MBOAT4: variants seen among roughly 807,000 people sequenced by gnomAD.
MBOAT4 encodes the protein membrane bound ghrelin O-acyltransferase MBOAT4.
In MBOAT4, 11 loss-of-function variants were observed where a neutral mutation model predicts 13.2. That is an observed-to-expected ratio of 0.84 (90% CI 0.53 to 1.38). The LOEUF (loss-of-function observed/expected upper bound fraction) is 1.38, where lower values mean the gene tolerates loss of function less well. Among genes scored for constraint, MBOAT4 ranks in the 40% most tolerant of loss-of-function variants. The pLI is 0.00. For synonymous variants in MBOAT4, 202 were observed against 210.3 expected, an observed-to-expected ratio of 0.96 and a Z score of 0.34; for missense variants, 481 against 527.2, an observed-to-expected ratio of 0.91 and a Z score of 0.86.
At chr8:30,138,258 G>C in intron 2 of MBOAT4, 1 of 299,394 alleles carries the variant, frequency 3.3e-6, no homozygotes, top group Non-Finnish European at 6.4e-6. Context: ...TTTCTTTACT[G>C]CAATTCCCCT....
intron 2 of MBOAT4, among the ~76,000 whole-genome samples, chr8:30,134,848 A>G (rs1428241512): frequency 6.6e-6 from 1 of 150,652 alleles, no homozygotes; most frequent in African/African-American, 2.4e-5. Flanking sequence ...GCTCCCAGCC[A>G]TAAGCATCCT....
chr8:30,132,855 G>GGAC lies in MBOAT4; in HGVS notation c.393_395dup (p.Ser132dup). The GGAC allele has an allele frequency of 6.4e-7, 1 of 1,550,482 alleles. No homozygotes were observed. The highest frequency in any genetic ancestry group is 8.7e-7 in the Non-Finnish European group (1 of 1,146,510). On this transcript the variant is annotated inframe_insertion, in exon 3 of 3. Coordinates refer to ENST00000320542, the MANE Select transcript of MBOAT4 (RefSeq NM_001100916.2). ...TCCCCTCACAAATGTCCAGAGAGAGGGACGTGACCCTCTGGGTCAAGAGCA... is the reference window on the plus strand; with the variant it reads ...TCCCCTCACAAATGTCCAGAGAGAGGGACGACGTGACCCTCTGGGTCAAGAGCA...
Position 30,132,635 on chromosome 8 carries a change from T to G in MBOAT4, c.616A>C (p.Ser206Arg). The change falls in exon 3 of 3, where the codon AGC becomes CGC. Residue 206 changes from serine (S) to arginine (R), a missense_variant. By Grantham distance (110) the Ser-to-Arg change is moderately radical. Transcript: ENST00000320542. ...LHPRHSFWAL[S>R]WRGLQILGLE... ...CCAAGAATCTGCAGACCCCTCCAGC[T>G]CAGAGCCCAGAAAGAGTGTCTGGGA... is the stretch of plus-strand genomic sequence containing the variant. The G allele has an allele frequency of 6.4e-7, 1 of 1,551,730 alleles. No individual in the cohort carries two copies. Among genetic ancestry groups the G allele is most frequent in the Non-Finnish European group, 8.7e-7 (1 of 1,147,006 alleles).
rs138038257 is a variant in MBOAT4, at chr8:30,132,450, G to A, written c.801C>T (p.His267=). The change falls in exon 3 of 3, where the codon CAC becomes CAT. Residue 267 remains histidine (H), a synonymous_variant. Coordinates refer to ENST00000320542, the MANE Select transcript of MBOAT4 (RefSeq NM_001100916.2). Reference sequence around the variant, plus strand: ...CAAGCTCAGGCCCAAAGCCCGCTGCGTGGAGGAGGGAGTCGTCCAGGATCC... The same window carrying A: ...CAAGCTCAGGCCCAAAGCCCGCTGCATGGAGGAGGGAGTCGTCCAGGATCC... ...SHWILDDSLL[H]AAGFGPELGQ... 3.8e-4 allele frequency: 586 copies of A among 1,551,740 alleles called. 1 individual carries two copies. Among genetic ancestry groups the A allele is most frequent in the South Asian group, 6.7e-4 (56 of 84,060 alleles).
chr8:30,135,602 TGAG>T (rs922729008), intron 2 of MBOAT4, among the ~76,000 whole-genome samples: 6 of 152,058 alleles, frequency 3.9e-5, no homozygotes, highest in South Asian at 2.1e-4. Context: ...GCAAGATTAT[TGAG>T]GAGAACAATG....
chr8:30,133,788 C>CAAAAAA (rs11430475), intron 2 of MBOAT4, among the ~76,000 whole-genome samples: 1 of 123,032 alleles, frequency 8.1e-6, no homozygotes. Context: ...GACCCTGTCT[C>CAAAAAA]AAAAAAAAAA....
At chr8:30,133,454 G>A (rs992777175) in intron 2 of MBOAT4, among the ~76,000 whole-genome samples, 3 of 152,292 alleles carry the variant, frequency 2.0e-5, no homozygotes, top group South Asian at 2.1e-4. Flanking sequence ...AAGGTTAGAT[G>A]CACACATTTA....
chr8:30,144,334 C>T, intron 1 of MBOAT4, 149 bp downstream of exon 1: 1 of 545,806 alleles, frequency 1.8e-6, no homozygotes, highest in Non-Finnish European at 3.2e-6. Flanking sequence ...CAGGGTTTCG[C>T]TATGTTGGCC....
At chr8:30,136,326 T>C (rs183281269) in intron 2 of MBOAT4, among the ~76,000 whole-genome samples, 1 of 151,936 alleles carries the variant, frequency 6.6e-6, no homozygotes, top group Admixed American at 6.6e-5. Flanking sequence ...GACAGAGGAG[T>C]GACCATCACG....
At position 30,132,091 on chromosome 8, in the gene MBOAT4, T is replaced by TGGGTG. The variant is rs760688047; in HGVS notation, c.1155_1159dup (p.Gln387ProfsTer4). 1 of 1,551,682 alleles carries TGGGTG rather than the reference T, an allele frequency of 6.4e-7. No individual in the cohort carries two copies. The highest frequency in any genetic ancestry group is 1.4e-5 in the African/African-American group (1 of 73,132). ...CAGCATGATGTAGGCAATGATCAAC[T>TGGGTG]GGGTGTGGGCCCAGGTGAGGGTTCT... On this transcript the variant is annotated frameshift_variant, in exon 3 of 3. Coordinates refer to ENST00000320542, the MANE Select transcript of MBOAT4 (RefSeq NM_001100916.2). LOFTEE classifies it low-confidence loss of function (END_TRUNC).
Position 30,131,994 on chromosome 8 carries a change from C to A in MBOAT4, c.1257G>T (p.Val419=). ...CNSYNSVFPM[V]YCILLLLLAK... ...CCAATAGCAAAAGCAGAATACAGTA[C>A]ACCATGGGAAAGACACTGTTGTACG... is the stretch of plus-strand genomic sequence containing the variant. Residue 419 remains valine, a synonymous_variant, in exon 3 of 3, where the codon GTG becomes GTT. Coordinates refer to ENST00000320542, the MANE Select transcript of MBOAT4 (RefSeq NM_001100916.2). 6.4e-7 allele frequency: 1 copy of A among 1,552,082 alleles called. No homozygotes were observed. Among genetic ancestry groups the A allele is most frequent in the Non-Finnish European group, 8.7e-7 (1 of 1,147,096 alleles).
chr8:30,137,572 C>G, intron 2 of MBOAT4: 2 of 1,140,524 alleles, frequency 1.8e-6, no homozygotes, highest in East Asian at 5.2e-5. Context: ...GTCACAAAAT[C>G]ACATTTATAT....
intron 2 of MBOAT4, among the ~76,000 whole-genome samples, chr8:30,133,169 G>A (rs191511856): frequency 3.3e-5 from 5 of 151,908 alleles, no homozygotes; most frequent in African/African-American, 9.7e-5. Context: ...TGCCTGTCTC[G>A]GCCTCCCAGA....
chr8:30,132,308 G>A lies in MBOAT4; in HGVS notation c.943C>T (p.Arg315Ter), dbSNP rs375639989. 6.6e-5 allele frequency: 103 copies of A among 1,551,744 alleles called. 1 individual carries two copies. The Middle Eastern group carries it at 1.3e-3, about 20-fold the overall frequency. The change falls in exon 3 of 3, where the codon CGA becomes TGA. Residue 315 changes from arginine (R) to a stop codon, truncating the protein, a stop_gained. Coordinates refer to ENST00000320542, the MANE Select transcript of MBOAT4 (RefSeq NM_001100916.2). LOFTEE classifies it low-confidence loss of function (END_TRUNC). ...CTGCTGTGCTGGAATACAAGCCGTC[G>A]GAGCCATCGAGCTGTGCTTTGGTTC... is the stretch of plus-strand genomic sequence containing the variant. The part of the protein sequence containing the change: ...KWNQSTARWL[R>*]RLVFQHSRAW...
chr8:30,138,529 T>C lies in MBOAT4; in HGVS notation c.344+3A>G, dbSNP rs1803198022. On this transcript the variant is annotated splice_donor_region_variant and intron_variant, in intron 2 of 2. Coordinates refer to ENST00000320542, the MANE Select transcript of MBOAT4 (RefSeq NM_001100916.2). ...GAGCATGACCAACGAACAGGCTGCT[T>C]ACCTCACAGAAGGAGGCTCATGCAG... is the stretch of plus-strand genomic sequence containing the variant. 1.9e-6 allele frequency: 3 copies of C among 1,543,622 alleles called. No homozygotes were observed. Among genetic ancestry groups the C allele is most frequent in the Non-Finnish European group, 2.6e-6 (3 of 1,140,426 alleles).
Position 30,132,519 on chromosome 8 carries a change from C to T in MBOAT4, c.732G>A (p.Val244=), listed in dbSNP as rs1027549366. ...GCTTGAAAAGCCCAGCTGTGGTCCA[C>T]ACGACATAGATGCACTCGAATTGCT... ...DCQQFECIYV[V]WTTAGLFKLT... is the part of the protein sequence containing the mutation. The change falls in exon 3 of 3, where the codon GTG becomes GTA. Residue 244 remains valine (V), a synonymous_variant. Transcript: ENST00000320542. The T allele has an allele frequency of 9.7e-6, 15 of 1,551,758 alleles. No homozygotes were observed. The Admixed American group carries it at 2.0e-4, about 20-fold the overall frequency.
At chr8:30,133,574 T>C (rs1303569441) in intron 2 of MBOAT4, among the ~76,000 whole-genome samples, 1 of 152,094 alleles carries the variant, frequency 6.6e-6, no homozygotes, top group Non-Finnish European at 1.5e-5. Context: ...AATTTTACTT[T>C]AACAGCTGAA....
chr8:30,139,392 TCTC>T (rs112738997), intron 1 of MBOAT4, among the ~76,000 whole-genome samples: 3,926 of 152,052 alleles, frequency 0.026, 187 homozygotes, highest in African/African-American at 0.09. Flanking sequence ...ATCTTTGAAA[TCTC>T]CTGGTACGTC....
rs905314052 is a variant in MBOAT4 at position 30,138,818 on chromosome 8, C to T, written c.120-62G>A. Reference sequence around the variant, plus strand: ...GAACGGCACAGCAAAGGAATTACTGCAGATGTCACTCCAGGGAACCCGATC... The same window carrying T: ...GAACGGCACAGCAAAGGAATTACTGTAGATGTCACTCCAGGGAACCCGATC... On this transcript the variant is annotated intron_variant, in intron 1 of 2. Coordinates refer to ENST00000320542, the MANE Select transcript of MBOAT4 (RefSeq NM_001100916.2). 16 of 1,318,626 alleles carry T rather than the reference C, an allele frequency of 1.2e-5. No homozygotes were observed. The African/African-American group carries it at 1.6e-4, about 13-fold the overall frequency. 81.7% of individuals were successfully genotyped at this position (1,318,626 alleles called of 1,614,324 possible). A position where few individuals can be genotyped will look rare whatever the true frequency, so the allele number is the denominator to read the frequency against.
Sources: allele counts gnomAD v4.1 joint callset (sites outside exome capture counted in the v4.1 genomes callset), GRCh38; gene constraint gnomAD v4.1.1; transcripts MANE v1.5; gene names NCBI Gene and HGNC (gene_info 2026-07-23, HGNC 2026-07-21).